Variants in COPZ1 observed in about 807,000 individuals in gnomAD.
The protein encoded by COPZ1 is coat protein complex I subunit zeta 1.
A neutral mutation model predicts 31.7 loss-of-function variants in COPZ1; 4 were observed. The ratio of observed to expected loss-of-function variants is 0.13; its 90% CI spans 0.06 to 0.29. The LOEUF (loss-of-function observed/expected upper bound fraction) is 0.29, where lower values mean the gene tolerates loss of function less well. Ranked by LOEUF, COPZ1 falls within the 10% of genes least tolerant of loss-of-function variation. The pLI, the probability that COPZ1 is intolerant of heterozygous loss-of-function variation, is 1.00. For synonymous variants in COPZ1, 74 were observed against 79.0 expected (o/e 0.94, Z 0.33); for missense variants, 156 against 211.5 (o/e 0.74, Z 1.63).
intron 5 of COPZ1, among the ~76,000 whole-genome samples, chr12:54,345,866 C>A (rs1237601679): frequency 3.3e-5 from 5 of 150,288 alleles, no homozygotes; most frequent in South Asian, 2.1e-4. Context: ...CTGAGGCAGG[C>A]GAATGGCATG....
intron 8 of COPZ1, 118 bp downstream of exon 8, chr12:54,349,776 G>A (rs1417141406): frequency 1.1e-6 from 1 of 885,700 alleles, no homozygotes; most frequent in Non-Finnish European, 1.9e-6. Flanking sequence ...CATCTTCCTT[G>A]GCTCCCTCTT....
intron 4 of COPZ1, 92 bp downstream of exon 4, chr12:54,343,408 G>T (rs764589270): frequency 1.4e-5 from 15 of 1,035,052 alleles, no homozygotes; most frequent in Non-Finnish European, 2.0e-5. Flanking sequence ...TAATAGAGCC[G>T]TGTTCCTCTG....
intron 1 of COPZ1, among the ~76,000 whole-genome samples, chr12:54,339,112 A>G (rs991230181): frequency 7.2e-5 from 11 of 152,116 alleles, no homozygotes; most frequent in East Asian, 3.9e-4. Flanking sequence ...AGGGATATCA[A>G]TGGTAAGTAA....
chr12:54,349,009 A>G (rs1954105956), intron 7 of COPZ1, among the ~76,000 whole-genome samples: 1 of 152,162 alleles, frequency 6.6e-6, no homozygotes, highest in Non-Finnish European at 1.5e-5. Context: ...TCTGACCTCC[A>G]CAGAGTGAAG....
chr12:54,338,401 T>C (rs1953909980), intron 1 of COPZ1, among the ~76,000 whole-genome samples: 2 of 152,156 alleles, frequency 1.3e-5, no homozygotes. Flanking sequence ...ACTTGTGACC[T>C]TTTAAGACTA....
intron 1 of COPZ1, among the ~76,000 whole-genome samples, chr12:54,332,851 A>G (rs1953781904): frequency 6.6e-6 from 1 of 151,942 alleles, no homozygotes; most frequent in Admixed American, 6.6e-5. Context: ...AAGGCCACAC[A>G]CACATTTATT....
intron 1 of COPZ1, among the ~76,000 whole-genome samples, chr12:54,326,961 CTTTTTTTTTTTTTTTTTTT>C (rs60827109): frequency 0.32 from 13,728 of 43,392 alleles, 965 homozygotes; most frequent in Admixed American, 0.41. Flanking sequence ...AACAAGTATT[CTTTTTTTTTTTTTTTTTTT>C]TTTTTTTTTT....
In COPZ1 at chr12:54,326,961, CTTTTTTTTTTTTTTTTTT is replaced by C. The variant is rs60827109; in HGVS notation, c.18+1800_18+1817del. On this transcript the variant is annotated intron_variant, in intron 1 of 8. Transcript: ENST00000262061. ...CTGTACCAAGCAGTTAACAAGTATTCTTTTTTTTTTTTTTTTTTTTTTTTTTTTTTTTTTTTTGAGATA... is the reference window on the plus strand; with the variant it reads ...CTGTACCAAGCAGTTAACAAGTATTCTTTTTTTTTTTTTTTTTTTGAGATA... 3.7e-3 allele frequency among the ~76,000 whole-genome samples: 163 copies of C among 43,564 alleles called. 1 individual carries two copies. Among genetic ancestry groups the C allele is most frequent in the Non-Finnish European group, 4.9e-3 (110 of 22,522 alleles). 28.6% of individuals were successfully genotyped at this position (43,564 alleles called of 152,430 possible).
At chr12:54,345,888 C>T (rs930193580) in intron 5 of COPZ1, among the ~76,000 whole-genome samples, 8 of 149,028 alleles carry the variant, frequency 5.4e-5, no homozygotes, top group Admixed American at 6.8e-5. Flanking sequence ...ACCTGGGAGG[C>T]GGAGCTTGCA....
intron 3 of COPZ1, among the ~76,000 whole-genome samples, chr12:54,342,849 CCTT>C (rs1953996157): frequency 7.2e-6 from 1 of 137,952 alleles, no homozygotes; most frequent in Non-Finnish European, 1.5e-5. Flanking sequence ...CATGGTAACG[CCTT>C]CTTTTTTTTT....
intron 5 of COPZ1, among the ~76,000 whole-genome samples, chr12:54,346,956 T>C (rs1954074482): frequency 1.3e-5 from 2 of 152,086 alleles, no homozygotes; most frequent in South Asian, 2.1e-4. Flanking sequence ...CCCGTGTAGA[T>C]GGGTAATAGA....
chr12:54,333,854 T>A (rs934415309), intron 1 of COPZ1, among the ~76,000 whole-genome samples: 2 of 152,210 alleles, frequency 1.3e-5, no homozygotes, highest in Non-Finnish European at 2.9e-5. Flanking sequence ...ATATTTGGTC[T>A]CATGTCAGCT....
intron 1 of COPZ1, among the ~76,000 whole-genome samples, chr12:54,335,275 T>C (rs1953839084): frequency 6.6e-6 from 1 of 152,154 alleles, no homozygotes; most frequent in South Asian, 2.1e-4. Context: ...TTTCTCCTTC[T>C]AGTTTTTACC....
chr12:54,351,405 C>G lies in COPZ1; in HGVS notation c.*882C>G, dbSNP rs1954145438. On this transcript the variant is annotated 3_prime_UTR_variant, in exon 9 of 9. Transcript: ENST00000262061. Reference sequence around the variant, plus strand: ...TATGACTTGGGCCTCTAGGCTGTCTCTGTCCCCTCAGCTCCCCGACATGCA... The same window carrying G: ...TATGACTTGGGCCTCTAGGCTGTCTGTGTCCCCTCAGCTCCCCGACATGCA... 6.6e-6 allele frequency: 1 copy of G among 152,268 alleles called. No individual in the cohort carries two copies. The highest frequency in any genetic ancestry group is 6.5e-5 in the Admixed American group (1 of 15,268). 9.4% of individuals were successfully genotyped at this position (152,268 alleles called of 1,614,324 possible).
intron 1 of COPZ1, among the ~76,000 whole-genome samples, chr12:54,338,874 C>G (rs192069215): frequency 6.6e-6 from 1 of 152,160 alleles, no homozygotes; most frequent in African/African-American, 2.4e-5. Context: ...CCTCTGCCCC[C>G]GCAAACAGGG....
intron 1 of COPZ1, among the ~76,000 whole-genome samples, chr12:54,326,152 A>ATTATTATTATTATTATTATTT (rs1565586899): frequency 1.5e-5 from 2 of 136,292 alleles, no homozygotes; most frequent in Admixed American, 7.7e-5. Flanking sequence ...TATTATTATT[A>ATTATTATTATTATTATTATTT]TTTTTGAGAC....
intron 1 of COPZ1, among the ~76,000 whole-genome samples, chr12:54,335,869 AGGGTCTCACT>A (rs953411988): frequency 1.7e-4 from 26 of 152,046 alleles, no homozygotes; most frequent in Admixed American, 1.6e-3. Context: ...TTGCAGAGAC[AGGGTCTCACT>A]GTGTTGCCCA....
At position 54,343,162 on chromosome 12, in the gene COPZ1, CT is replaced by C. The variant is rs1954004373; in HGVS notation, c.170-62del. 2.3e-6 allele frequency: 3 copies of C among 1,331,574 alleles called. No homozygotes were observed. In the Admixed American group the frequency reaches 5.1e-5, roughly 22 times the overall value. 82.5% of individuals were successfully genotyped at this position (1,331,574 alleles called of 1,614,324 possible). On this transcript the variant is annotated intron_variant, in intron 3 of 8. Coordinates refer to ENST00000262061, the MANE Select transcript of COPZ1 (RefSeq NM_016057.3). The stretch of plus-strand genomic sequence containing the variant: ...ATGAGCCACTGCGCCTGGCTGGTAA[CT>C]CCTTCTTTCCTACTTCCTTATCTCA...
At chr12:54,343,938 A>C (rs566360749) in intron 4 of COPZ1, among the ~76,000 whole-genome samples, 2 of 152,330 alleles carry the variant, frequency 1.3e-5, no homozygotes, top group South Asian at 2.1e-4. Flanking sequence ...CACTTCTATG[A>C]GTTGTAGGCA....
Sources: gnomAD v4.1 joint callset for allele counts (sites outside exome capture counted in the v4.1 genomes callset) on GRCh38, gnomAD v4.1.1 for gene constraint, MANE v1.5 for transcripts, NCBI Gene and HGNC (gene_info 2026-07-23, HGNC 2026-07-21) for gene names.